BRIP1: variants seen among roughly 807,000 people sequenced by gnomAD.
BRIP1 encodes the protein Fanconi anemia group J protein.
In BRIP1, 88 loss-of-function variants were observed where a neutral mutation model predicts 119.7. The observed-to-expected ratio is 0.74, with a 90% CI of 0.62 to 0.88. The LOEUF (loss-of-function observed/expected upper bound fraction) is 0.88. BRIP1 is among the 40% of genes least tolerant of loss of function. BRIP1 has a pLI of 0.00. For synonymous variants in BRIP1, 443 were observed against 496.5 expected (o/e 0.89, Z 1.43); for missense variants, 1,259 against 1,455.4 (o/e 0.87, Z 2.20).
At chr17:61,812,827 G>A (rs1029954012) in intron 6 of BRIP1, among the ~76,000 whole-genome samples, 1 of 152,098 alleles carries the variant, frequency 6.6e-6, no homozygotes, top group Non-Finnish European at 1.5e-5. Flanking sequence ...AAGATGAAGA[G>A]TTCGAAGATT....
chr17:61,722,655 C>A lies in BRIP1; in HGVS notation c.2380-6592G>T, dbSNP rs1357288335. On this transcript the variant is annotated intron_variant, in intron 16 of 19. Transcript: ENST00000259008. This position sits in a 1 kb window ranked among gnomAD's most constrained non-coding sequence, Gnocchi z 4.6. ...TTCCTACACCATGGACAGACTGATA[C>A]ATTATAGTGGTCACTGTTCCGAAGA... Among the ~76,000 whole-genome samples, 2 of 152,134 alleles carry A rather than the reference C, an allele frequency of 1.3e-5. No individual in the cohort carries two copies. The highest frequency in any genetic ancestry group is 2.9e-5 in the Non-Finnish European group (2 of 68,032).
chr17:61,856,398 A>G lies in BRIP1; in HGVS notation c.379+660T>C, dbSNP rs2145820539. Among the ~76,000 whole-genome samples, 1 of 152,330 alleles carries G rather than the reference A, an allele frequency of 6.6e-6. No individual in the cohort carries two copies. The highest frequency in any genetic ancestry group is 2.1e-4 in the South Asian group (1 of 4,832). On this transcript the variant is annotated intron_variant, in intron 4 of 19. Transcript: ENST00000259008. The surrounding 1 kb of genome is among the most constrained non-coding windows in gnomAD (Gnocchi z 5.1). ...AAAAGCGTTATTGGATGCTCTAAAC[A>G]AGAAATGGTAGTTTGGACTATGGAG...
In BRIP1 at chr17:61,687,032, A is replaced by G. The variant is rs1473725278; in HGVS notation, c.2576-867T>C. On this transcript the variant is annotated intron_variant, in intron 18 of 19. Coordinates refer to ENST00000259008, the MANE Select transcript of BRIP1 (RefSeq NM_032043.3). This position sits in a 1 kb window ranked among gnomAD's most constrained non-coding sequence, Gnocchi z 5.1. ...TCCCTTGAAGTTTTTTATTTTGTTC[A>G]TTTGGGGAATATGATTAGACCATAA... Among the ~76,000 whole-genome samples, 1 of 152,108 alleles carries G rather than the reference A, an allele frequency of 6.6e-6. No homozygotes were observed.
chr17:61,845,023 C>T lies in BRIP1; in HGVS notation c.627+2078G>A, dbSNP rs1224957966. ...ACACACATGAAAAAGACTGACATTA[C>T]ATCGTAATAGGACAGACAAATAATA... On this transcript the variant is annotated intron_variant, in intron 6 of 19. Coordinates refer to ENST00000259008, the MANE Select transcript of BRIP1 (RefSeq NM_032043.3). This position sits in a 1 kb window ranked among gnomAD's most constrained non-coding sequence, Gnocchi z 4.2. 6.6e-6 allele frequency among the ~76,000 whole-genome samples: 1 copy of T among 152,172 alleles called. No homozygotes were observed. Among genetic ancestry groups the T allele is most frequent in the Non-Finnish European group, 1.5e-5 (1 of 68,026 alleles).
Position 61,729,753 on chromosome 17 carries a change from C to A in BRIP1, c.2379+13260G>T, listed in dbSNP as rs2076818726. Among the ~76,000 whole-genome samples the A allele has an allele frequency of 1.3e-5, 2 of 152,050 alleles. No individual in the cohort carries two copies. Reference sequence around the variant, plus strand: ...TTAATTTATTGTATACATTTGTATGCCTCACTATGTAAAACAGTGGTGCTC... The same window carrying A: ...TTAATTTATTGTATACATTTGTATGACTCACTATGTAAAACAGTGGTGCTC... On this transcript the variant is annotated intron_variant, in intron 16 of 19. Transcript: ENST00000259008. This position sits in a 1 kb window ranked among gnomAD's most constrained non-coding sequence, Gnocchi z 5.6.
rs1437338124 is a variant in BRIP1, at chr17:61,758,558, T to C, written c.2098-13967A>G. Among the ~76,000 whole-genome samples the C allele has an allele frequency of 6.6e-6, 1 of 152,134 alleles. No individual in the cohort carries two copies. Among genetic ancestry groups the C allele is most frequent in the Non-Finnish European group, 1.5e-5 (1 of 68,028 alleles). On this transcript the variant is annotated intron_variant, in intron 14 of 19. Coordinates refer to ENST00000259008, the MANE Select transcript of BRIP1 (RefSeq NM_032043.3). The surrounding 1 kb of genome is among the most constrained non-coding windows in gnomAD (Gnocchi z 5.3). ...GTGAATAAGATCCAAAAGAAAAATA[T>C]TTAAATTACAGTGCAGTGCATAACA...
intron 6 of BRIP1, among the ~76,000 whole-genome samples, chr17:61,840,355 C>A (rs1397714458): frequency 1.4e-3 from 147 of 105,048 alleles, no homozygotes; most frequent in Non-Finnish European, 1.5e-3. Flanking sequence ...GACTCCGTCT[C>A]AAAAAAAAAA....
rs1341654551 is a variant in BRIP1, at chr17:61,717,118, G to C, written c.2380-1055C>G. ...GAAATAAGTTTAGATTTACAGAAAA[G>C]TTCCAAAGATAGTACAGAGATTCCT... is the stretch of plus-strand genomic sequence containing the variant. On this transcript the variant is annotated intron_variant, in intron 16 of 19. Coordinates refer to ENST00000259008, the MANE Select transcript of BRIP1 (RefSeq NM_032043.3). This position sits in a 1 kb window ranked among gnomAD's most constrained non-coding sequence, Gnocchi z 4.1. 6.6e-6 allele frequency among the ~76,000 whole-genome samples: 1 copy of C among 151,934 alleles called. No individual in the cohort carries two copies. Among genetic ancestry groups the C allele is most frequent in the Admixed American group, 6.6e-5 (1 of 15,254 alleles).
At position 61,744,179 on chromosome 17, in the gene BRIP1, A is replaced by G. The variant is rs1285536017; in HGVS notation, c.2257+253T>C. ...ACTGCCTTTTTGCACAAACTATTTC[A>G]GGTAGTGCACTGAAGACTGTGAGAT... is the stretch of plus-strand genomic sequence containing the variant. On this transcript the variant is annotated intron_variant, in intron 15 of 19. Coordinates refer to ENST00000259008, the MANE Select transcript of BRIP1 (RefSeq NM_032043.3). The surrounding 1 kb of genome is among the most constrained non-coding windows in gnomAD (Gnocchi z 5.0). Among the ~76,000 whole-genome samples, 1 of 152,186 alleles carries G rather than the reference A, an allele frequency of 6.6e-6. No homozygotes were observed. The highest frequency in any genetic ancestry group is 1.5e-5 in the Non-Finnish European group (1 of 68,018).
chr17:61,854,504 AC>A (rs1288647752), intron 4 of BRIP1, among the ~76,000 whole-genome samples: 3 of 151,996 alleles, frequency 2.0e-5, no homozygotes, highest in Non-Finnish European at 2.9e-5. Flanking sequence ...GTCAGGAGCT[AC>A]AGAGCAGCCT....
At chr17:61,707,886 G>A (rs560213250) in intron 17 of BRIP1, among the ~76,000 whole-genome samples, 78 of 147,798 alleles carry the variant, frequency 5.3e-4, no homozygotes, top group African/African-American at 1.9e-3. Flanking sequence ...TCATTCTGTC[G>A]CCCAGGCTGA....
rs933544512 is a variant in BRIP1 at position 61,832,481 on chromosome 17, T to A, written c.627+14620A>T. ...AGCAGATATCATATTAATCAAGTTA[T>A]CAATCATTAATGAGAAAAAATGAAA... On this transcript the variant is annotated intron_variant, in intron 6 of 19. Transcript: ENST00000259008. The surrounding 1 kb of genome is among the most constrained non-coding windows in gnomAD (Gnocchi z 5.5). 5.3e-5 allele frequency among the ~76,000 whole-genome samples: 8 copies of A among 152,208 alleles called. No individual in the cohort carries two copies. Among genetic ancestry groups the A allele is most frequent in the Admixed American group, 1.3e-4 (2 of 15,278 alleles).
chr17:61,700,575 C>T lies in BRIP1; in HGVS notation c.2493-7063G>A, dbSNP rs548039809. 3.9e-5 allele frequency among the ~76,000 whole-genome samples: 6 copies of T among 152,118 alleles called. No individual in the cohort carries two copies. The highest frequency in any genetic ancestry group is 2.1e-4 in the South Asian group (1 of 4,814). On this transcript the variant is annotated intron_variant, in intron 17 of 19. Transcript: ENST00000259008. This position sits in a 1 kb window ranked among gnomAD's most constrained non-coding sequence, Gnocchi z 4.1. ...ATATGATGAGTTATTTCTCTCTTGC[C>T]GCTTTCTAGATTCTGTCTTCTGGCT...
Position 61,822,444 on chromosome 17 carries a change from G to C in BRIP1, c.628-13687C>G, listed in dbSNP as rs1253749962. 6.6e-6 allele frequency among the ~76,000 whole-genome samples: 1 copy of C among 152,122 alleles called. No individual in the cohort carries two copies. The highest frequency in any genetic ancestry group is 2.4e-5 in the African/African-American group (1 of 41,432). On this transcript the variant is annotated intron_variant, in intron 6 of 19. Transcript: ENST00000259008. The surrounding 1 kb of genome is among the most constrained non-coding windows in gnomAD (Gnocchi z 4.4). ...GATTTTTGTCGTACTAATAGATCCA[G>C]TTATGTGCCCTCTGGGAAAAATGCA...
At chr17:61,839,088 T>A (rs2078620941) in intron 6 of BRIP1, among the ~76,000 whole-genome samples, 2 of 152,058 alleles carry the variant, frequency 1.3e-5, no homozygotes, top group South Asian at 2.1e-4. Flanking sequence ...TACTCCCCTA[T>A]GACACCCAAA....
At position 61,843,724 on chromosome 17, in the gene BRIP1, C is replaced by T. The variant is rs2078689786; in HGVS notation, c.627+3377G>A. ...CCCTCACCAGAAGCAGATGCTGACA[C>T]CATGCTTCCTGCACAGCCTACAGAA... On this transcript the variant is annotated intron_variant, in intron 6 of 19. Transcript: ENST00000259008. The surrounding 1 kb of genome is among the most constrained non-coding windows in gnomAD (Gnocchi z 5.7). 6.6e-6 allele frequency among the ~76,000 whole-genome samples: 1 copy of T among 152,132 alleles called. No homozygotes were observed. The highest frequency in any genetic ancestry group is 6.5e-5 in the Admixed American group (1 of 15,272).
intron 14 of BRIP1, among the ~76,000 whole-genome samples, chr17:61,750,651 A>G (rs1254119251): frequency 1.3e-5 from 2 of 152,092 alleles, no homozygotes; most frequent in Non-Finnish European, 2.9e-5. Flanking sequence ...CAACAACGAA[A>G]AAACCAAACA....
At position 61,683,998 on chromosome 17, in the gene BRIP1, T is replaced by C. The variant is rs2061322119; in HGVS notation, c.3048A>G (p.Ile1016Met). ...NSLGQYFTGK[I>M]PKATPELGSS... The stretch of plus-strand genomic sequence containing the variant: ...ACCCGAGCTCAGGTGTTGCCTTCGG[T>C]ATTTTACCAGTAAAATACTGTCCCA... Residue 1016 changes from isoleucine to methionine, a missense_variant, in exon 20 of 20, where the codon ATA becomes ATG. Around this residue, in one of 3 missense-constraint regions of BRIP1, gnomAD observed 753 missense variants for 891.8 expected, o/e 0.84. Transcript: ENST00000259008. The surrounding 1 kb of genome is among the most constrained non-coding windows in gnomAD (Gnocchi z 4.7). 1.9e-6 allele frequency: 3 copies of C among 1,614,048 alleles called. No homozygotes were observed. The Admixed American group carries it at 5.0e-5, about 27-fold the overall frequency.
chr17:61,837,119 A>T (rs557524672), intron 6 of BRIP1, among the ~76,000 whole-genome samples: 1 of 152,364 alleles, frequency 6.6e-6, no homozygotes, highest in African/African-American at 2.4e-5. Flanking sequence ...AGAAAAGTTA[A>T]AAGAACATGA....
Sources: allele counts gnomAD v4.1 joint callset (sites outside exome capture counted in the v4.1 genomes callset), GRCh38; gene constraint gnomAD v4.1.1; regional missense constraint gnomAD v4.1.1; non-coding constraint Gnocchi (gnomAD v3.1); transcripts MANE v1.5; gene names NCBI Gene and HGNC (gene_info 2026-07-23, HGNC 2026-07-21).